KCNN2: variants seen among roughly 807,000 people sequenced by gnomAD.
KCNN2 encodes the protein potassium calcium-activated channel subfamily N member 2.
KCNN2 carries 24 observed loss-of-function variants against 55.5 expected under a neutral mutation model. The ratio of observed to expected loss-of-function variants is 0.43; its 90% CI spans 0.31 to 0.61. The LOEUF (loss-of-function observed/expected upper bound fraction) is 0.61. KCNN2 is among the 20% of genes least tolerant of loss of function. The pLI, the probability that KCNN2 is intolerant of heterozygous loss-of-function variation, is 0.08. For synonymous variants in KCNN2, 431 were observed against 336.1 expected, an observed-to-expected ratio of 1.28 and a Z score of -3.09; for missense variants, 754 against 853.6, an observed-to-expected ratio of 0.88 and a Z score of 1.45.
intron 2 of KCNN2, among the ~76,000 whole-genome samples, chr5:114,356,211 T>TA (rs752217235): frequency 4.6e-5 from 7 of 152,168 alleles, no homozygotes; most frequent in Non-Finnish European, 8.8e-5. Context: ...GGGTAGGCAC[T>TA]GCATTTCAGA....
At chr5:114,137,372 T>C (rs1752194728) in intron 1 of KCNN2, among the ~76,000 whole-genome samples, 1 of 151,102 alleles carries the variant, frequency 6.6e-6, no homozygotes. Context: ...TAGTCATCTT[T>C]ATTCCTCTGA....
At chr5:114,187,228 C>G (rs768454018) in intron 1 of KCNN2, among the ~76,000 whole-genome samples, 2 of 151,898 alleles carry the variant, frequency 1.3e-5, no homozygotes, top group South Asian at 2.1e-4. Context: ...CCCCACCCCA[C>G]TTTTGCTGCA....
At chr5:114,463,525 A>G (rs1761305003) in intron 4 of KCNN2, among the ~76,000 whole-genome samples, 1 of 152,228 alleles carries the variant, frequency 6.6e-6, no homozygotes, top group African/African-American at 2.4e-5. Flanking sequence ...TGCAAATTTG[A>G]GTAAATTGTA....
chr5:114,070,031 G>T (rs1055796500), intron 1 of KCNN2, among the ~76,000 whole-genome samples: 1 of 151,996 alleles, frequency 6.6e-6, no homozygotes, highest in Non-Finnish European at 1.5e-5. Flanking sequence ...ATTTTACATC[G>T]CATCCAGATA....
chr5:114,184,954 A>G (rs2090403603), intron 1 of KCNN2, among the ~76,000 whole-genome samples: 1 of 151,926 alleles, frequency 6.6e-6, no homozygotes, highest in African/African-American at 2.4e-5. Flanking sequence ...TACAACAAAT[A>G]AGTTTTAATT....
chr5:114,200,634 T>C (rs918385419), intron 1 of KCNN2, among the ~76,000 whole-genome samples: 1 of 152,166 alleles, frequency 6.6e-6, no homozygotes, highest in African/African-American at 2.4e-5. Context: ...ACATCTGGTA[T>C]AGCTGTCACT....
rs1296103242 is a variant in KCNN2, at chr5:114,362,776, A to G, written c.637A>G (p.Met213Val). The G allele has an allele frequency of 6.3e-7, 1 of 1,586,036 alleles. No homozygotes were observed. Among genetic ancestry groups the G allele is most frequent in the Non-Finnish European group, 8.5e-7 (1 of 1,171,894 alleles). Residue 213 changes from methionine (M) to valine (V), a missense_variant, in exon 1 of 8, where the codon ATG becomes GTG. By Grantham distance (21) the Met-to-Val change is conservative. Around this residue, in one of 4 missense-constraint regions of KCNN2, gnomAD observed 381 missense variants for 259.1 expected, o/e 1.47. Transcript: ENST00000673685. ...RESNPFTEIAMSSCRYNGGVM... is the reference protein window; with the variant it reads ...RESNPFTEIAVSSCRYNGGVM... ...GAGCAACCCCTTCACCGAAATAGCC[A>G]TGAGCAGCTGCAGGTACAACGGGGG...
chr5:114,308,935 G>A (rs1756343466), intron 2 of KCNN2, among the ~76,000 whole-genome samples: 1 of 152,122 alleles, frequency 6.6e-6, no homozygotes. Context: ...TTATTTTCGT[G>A]TTCTAACAAC....
chr5:114,481,500 T>TTAAAC (rs1762223319), intron 5 of KCNN2, among the ~76,000 whole-genome samples: 2 of 152,166 alleles, frequency 1.3e-5, no homozygotes, highest in Non-Finnish European at 2.9e-5. Flanking sequence ...GCTATTCCCA[T>TTAAAC]TAAACTACCA....
chr5:114,469,852 T>A (rs1324417640), intron 4 of KCNN2, among the ~76,000 whole-genome samples: 1 of 152,200 alleles, frequency 6.6e-6, no homozygotes, highest in Non-Finnish European at 1.5e-5. Context: ...TCAGATTCTC[T>A]TACGATTTAT....
At chr5:114,079,522 C>G (rs539646838) in intron 1 of KCNN2, among the ~76,000 whole-genome samples, 32 of 152,288 alleles carry the variant, frequency 2.1e-4, no homozygotes, top group African/African-American at 7.5e-4. Context: ...TGAGCCTTAG[C>G]TGTCTATTCA....
intron 1 of KCNN2, among the ~76,000 whole-genome samples, chr5:114,147,814 T>C (rs1752429913): frequency 6.6e-6 from 1 of 152,170 alleles, no homozygotes. Context: ...TTTTTGGGGC[T>C]TAATGGCGCG....
intron 2 of KCNN2, among the ~76,000 whole-genome samples, chr5:114,227,669 A>G (rs1754264351): frequency 6.6e-6 from 1 of 152,196 alleles, no homozygotes; most frequent in Non-Finnish European, 1.5e-5. Context: ...GCTTAGTGGA[A>G]AAGTAATAAA....
chr5:114,455,462 C>G (rs968430550), intron 3 of KCNN2, among the ~76,000 whole-genome samples: 5 of 152,210 alleles, frequency 3.3e-5, no homozygotes, highest in Non-Finnish European at 5.9e-5. Flanking sequence ...TCCCCCATCT[C>G]TCTCACTTTT....
chr5:114,486,073 G>A (rs985651993), intron 5 of KCNN2, among the ~76,000 whole-genome samples: 1 of 152,084 alleles, frequency 6.6e-6, no homozygotes, highest in Non-Finnish European at 1.5e-5. Context: ...CGTAGAACCC[G>A]GTTATCAATC....
At chr5:114,066,241 C>T (rs1238143639) in intron 1 of KCNN2, among the ~76,000 whole-genome samples, 1 of 152,062 alleles carries the variant, frequency 6.6e-6, no homozygotes, top group Admixed American at 6.5e-5. Flanking sequence ...TAATTTTATC[C>T]CCATCTCTTT....
intron 3 of KCNN2, among the ~76,000 whole-genome samples, chr5:114,451,390 C>A (rs921629553): frequency 6.6e-6 from 1 of 152,070 alleles, no homozygotes; most frequent in Non-Finnish European, 1.5e-5. Context: ...AAGGTTAATG[C>A]ATGAAAAGAA....
At chr5:114,224,249 TAAA>T (rs1265978869) in intron 2 of KCNN2, among the ~76,000 whole-genome samples, 1 of 152,142 alleles carries the variant, frequency 6.6e-6, no homozygotes, top group African/African-American at 2.4e-5. Context: ...AAAAACAAAA[TAAA>T]ACTTACTTGT....
chr5:114,379,907 T>A (rs1381727598), intron 2 of KCNN2, among the ~76,000 whole-genome samples: 1 of 147,918 alleles, frequency 6.8e-6, no homozygotes, highest in African/African-American at 2.5e-5. Context: ...GACAGTATAA[T>A]GAATAACATA....
Sources: gnomAD v4.1 joint callset for allele counts (sites outside exome capture counted in the v4.1 genomes callset) on GRCh38, gnomAD v4.1.1 for gene constraint, gnomAD v4.1.1 regional missense constraint, MANE v1.5 for transcripts, NCBI Gene and HGNC (gene_info 2026-07-23, HGNC 2026-07-21) for gene names.